Variants in CHD1 observed in about 807,000 individuals in gnomAD.
CHD1 encodes the protein chromodomain helicase DNA binding protein 1.
A neutral mutation model predicts 224.2 loss-of-function variants in CHD1; 36 were observed. The ratio of observed to expected loss-of-function variants is 0.16; its 90% confidence interval spans 0.12 to 0.21. The LOEUF (loss-of-function observed/expected upper bound fraction) is 0.21, where lower values mean the gene tolerates loss of function less well. CHD1 is among the 10% of genes least tolerant of loss of function. The pLI is 1.00. For missense variants in CHD1, 1,378 were observed against 1,994.8 expected (o/e 0.69, Z 5.89); for synonymous variants, 668 against 658.3 (o/e 1.01, Z -0.23).
intron 28 of CHD1, among the ~76,000 whole-genome samples, chr5:98,871,623 A>G (rs1278629735): frequency 1.3e-5 from 2 of 152,188 alleles, no homozygotes; most frequent in East Asian, 1.9e-4. Context: ...TAAAATAGCT[A>G]GAAAAGAATC....
Position 98,875,120 on chromosome 5 carries a change from G to T in CHD1, c.3399-7C>A. The T allele has an allele frequency of 6.7e-7, 1 of 1,484,520 alleles. No homozygotes were observed. The highest frequency in any genetic ancestry group is 9.3e-7 in the Non-Finnish European group (1 of 1,072,434). 92.0% of individuals were successfully genotyped at this position (1,484,520 alleles called of 1,614,324 possible). On this transcript the variant is annotated splice_polypyrimidine_tract_variant and splice_region_variant and intron_variant, in intron 24 of 35. Transcript: ENST00000614616. The stretch of plus-strand genomic sequence containing the variant: ...CTTATAGCTCTTGATAAACCTAAGA[G>T]AAAATAATTGTTTGGTAAATGTGAG...
chr5:98,876,857 A>C (rs955169654), intron 23 of CHD1, among the ~76,000 whole-genome samples: 1 of 152,194 alleles, frequency 6.6e-6, no homozygotes, highest in African/African-American at 2.4e-5. Flanking sequence ...TTGATCAATA[A>C]AGTAATTTAC....
chr5:98,912,151 TG>T (rs1412702741), intron 2 of CHD1, among the ~76,000 whole-genome samples: 1 of 152,112 alleles, frequency 6.6e-6, no homozygotes, highest in Non-Finnish European at 1.5e-5. Flanking sequence ...CATCCAAGAT[TG>T]TGAAATCTTC....
chr5:98,900,816 T>G lies in CHD1; in HGVS notation c.854A>C (p.Lys285Thr), dbSNP rs943434666. The change falls in exon 7 of 36, where the codon AAA becomes ACA. Residue 285 changes from lysine (K) to threonine (T), a missense_variant. Physicochemically the swap from Lys to Thr is moderately conservative, Grantham distance 78 (BLOSUM62 -1). Transcript: ENST00000614616. ...AATGGTTTTTTAAAAACTACCTCCT[T>G]TTCTCCCAATCCGACAATCCATAAA... ...ERFMDCRIGRKGATGATTTIY... is the reference protein window; with the variant it reads ...ERFMDCRIGRTGATGATTTIY... 1 of 1,606,818 alleles carries G rather than the reference T, an allele frequency of 6.2e-7. No homozygotes were observed.
intron 20 of CHD1, among the ~76,000 whole-genome samples, chr5:98,881,729 A>G (rs1274194407): frequency 6.6e-6 from 1 of 152,070 alleles, no homozygotes; most frequent in Non-Finnish European, 1.5e-5. Context: ...AGTGCAGTAT[A>G]TTTATTTTAA....
intron 31 of CHD1, among the ~76,000 whole-genome samples, chr5:98,865,006 G>C (rs564361381): frequency 2.0e-3 from 305 of 152,224 alleles, no homozygotes; most frequent in Middle Eastern, 0.017. Flanking sequence ...TAGTATAAGA[G>C]AGCCAGTAAA....
chr5:98,927,263 T>G (rs1303658968), intron 1 of CHD1, among the ~76,000 whole-genome samples: 1 of 152,162 alleles, frequency 6.6e-6, no homozygotes, highest in Non-Finnish European at 1.5e-5. Context: ...ATTTCCACCT[T>G]TAAAGATTTC....
At chr5:98,882,572 T>C (rs899365526) in intron 19 of CHD1, among the ~76,000 whole-genome samples, 1 of 152,150 alleles carries the variant, frequency 6.6e-6, no homozygotes, top group African/African-American at 2.4e-5. Flanking sequence ...TGAAAAGAAT[T>C]GGTGTAGTAA....
At chr5:98,858,025 T>G (rs1242766825) in intron 35 of CHD1, among the ~76,000 whole-genome samples, 155 bp downstream of exon 35, 1 of 152,142 alleles carries the variant, frequency 6.6e-6, no homozygotes, top group Non-Finnish European at 1.5e-5. Flanking sequence ...TCTTAAAATA[T>G]ATACATTTTT....
At position 98,892,635 on chromosome 5, in the gene CHD1, A is replaced by G; in HGVS notation, c.2070T>C (p.Leu690=). 6.2e-7 allele frequency: 1 copy of G among 1,613,678 alleles called. No homozygotes were observed. The highest frequency in any genetic ancestry group is 8.5e-7 in the Non-Finnish European group (1 of 1,179,628). ...EYGYASLHKE[L]EPFLLRRVKK... is the part of the protein sequence containing the mutation. ...TAACTCGGCGTAACAGAAATGGCTC[A>G]AGCTCCTTGTGAAGGCTTGCATAAC... is the stretch of plus-strand genomic sequence containing the variant. Residue 690 remains leucine (L), a synonymous_variant, in exon 15 of 36, where the codon CTT becomes CTC. Coordinates refer to ENST00000614616, the MANE Select transcript of CHD1 (RefSeq NM_001270.4).
chr5:98,862,784 C>G (rs1263606834), intron 32 of CHD1, among the ~76,000 whole-genome samples: 4 of 152,104 alleles, frequency 2.6e-5, no homozygotes, highest in African/African-American at 9.7e-5. Flanking sequence ...AATGATAACC[C>G]ATTCTTGGCA....
At position 98,899,509 on chromosome 5, in the gene CHD1, A is replaced by G. The variant is rs376402767; in HGVS notation, c.1056T>C (p.Tyr352=). ...TTTTTGTTTCCTGATCTTTTTTCTTATAATTATCCAATTTTTTCATTCCTC... is the reference window on the plus strand; with the variant it reads ...TTTTTGTTTCCTGATCTTTTTTCTTGTAATTATCCAATTTTTTCATTCCTC... ...NVRGMKKLDN[Y]KKKDQETKRW... is the part of the protein sequence containing the mutation. Residue 352 remains tyrosine (Y), a synonymous_variant, in exon 8 of 36, where the codon TAT becomes TAC. Coordinates refer to ENST00000614616, the MANE Select transcript of CHD1 (RefSeq NM_001270.4). 1 of 1,611,290 alleles carries G rather than the reference A, an allele frequency of 6.2e-7. No homozygotes were observed. The highest frequency in any genetic ancestry group is 8.5e-7 in the Non-Finnish European group (1 of 1,178,248).
intron 24 of CHD1, among the ~76,000 whole-genome samples, chr5:98,875,570 T>C (rs975069201): frequency 2.0e-5 from 3 of 152,090 alleles, no homozygotes; most frequent in Non-Finnish European, 4.4e-5. Flanking sequence ...GCTACGTAAG[T>C]GGTTAATAAA....
At chr5:98,916,330 G>A (rs984242917) in intron 2 of CHD1, among the ~76,000 whole-genome samples, 3 of 152,010 alleles carry the variant, frequency 2.0e-5, no homozygotes, top group Non-Finnish European at 4.4e-5. Flanking sequence ...TGGACCACCT[G>A]AGTTCAGGAG....
Position 98,854,750 on chromosome 5 carries a change from A to G in CHD1, c.*1630T>C, listed in dbSNP as rs1390694790. 4 of 152,188 alleles carry G rather than the reference A, an allele frequency of 2.6e-5. No individual in the cohort carries two copies. Among genetic ancestry groups the G allele is most frequent in the African/African-American group, 7.2e-5 (3 of 41,456 alleles). The allele number at this position is 152,188 out of a possible 1,614,324, so 9.4% of individuals were successfully genotyped here. A position where few individuals can be genotyped will look rare whatever the true frequency, so the allele number is the denominator to read the frequency against. On this transcript the variant is annotated 3_prime_UTR_variant, in exon 36 of 36. Transcript: ENST00000614616. ...TATTAAAAAATACACCTATGGACAA[A>G]TATCTGTAGGTTGCTCCCACAGCTA...
intron 2 of CHD1, among the ~76,000 whole-genome samples, chr5:98,917,383 A>G (rs952727110): frequency 1.3e-5 from 2 of 151,472 alleles, no homozygotes; most frequent in African/African-American, 2.4e-5. Flanking sequence ...TTGATTGGCC[A>G]CAGATTTTAG....
intron 2 of CHD1, among the ~76,000 whole-genome samples, chr5:98,909,099 C>T (rs915226087): frequency 2.0e-5 from 3 of 151,986 alleles, no homozygotes; most frequent in Admixed American, 1.3e-4. Flanking sequence ...TTTGCAATAC[C>T]AATATCTCTT....
At chr5:98,908,757 T>C (rs887213923) in intron 2 of CHD1, among the ~76,000 whole-genome samples, 2 of 152,066 alleles carry the variant, frequency 1.3e-5, no homozygotes, top group Non-Finnish European at 2.9e-5. Flanking sequence ...GGTAGGTAGA[T>C]TGCTAAAAAC....
intron 31 of CHD1, among the ~76,000 whole-genome samples, chr5:98,867,773 T>C (rs1748995911): frequency 6.6e-6 from 1 of 151,346 alleles, no homozygotes; most frequent in Admixed American, 6.6e-5. Flanking sequence ...TGGGCCCACC[T>C]TGGCCTCCTT....
Sources: allele counts gnomAD v4.1 joint callset (sites outside exome capture counted in the v4.1 genomes callset), GRCh38; gene constraint gnomAD v4.1.1; transcripts MANE v1.5; gene names NCBI Gene and HGNC (gene_info 2026-07-23, HGNC 2026-07-21).